DLG2: variants seen among roughly 807,000 people sequenced by gnomAD.
DLG2 encodes disks large homolog 2.
Under a neutral mutation model 132.5 loss-of-function variants are expected in DLG2, and 45 were observed. That is an observed-to-expected ratio of 0.34 (90% CI 0.27 to 0.44). DLG2 has a LOEUF of 0.44. Among genes scored for constraint, DLG2 ranks in the 20% least tolerant of loss-of-function variants. The pLI is 1.00. For missense variants in DLG2, 1,045 were observed against 1,196.9 expected, an observed-to-expected ratio of 0.87 and a Z score of 1.87; for synonymous variants, 424 against 419.6, an observed-to-expected ratio of 1.01 and a Z score of -0.13.
At chr11:84,565,536 C>G (rs1411387235) in intron 6 of DLG2, among the ~76,000 whole-genome samples, 1 of 152,024 alleles carries the variant, frequency 6.6e-6, no homozygotes, top group Non-Finnish European at 1.5e-5. Flanking sequence ...GTTTCCAACC[C>G]TTAGAAAAAC....
chr11:83,601,073 TAGAGTA>T (rs1565998468), intron 19 of DLG2, among the ~76,000 whole-genome samples: 1 of 152,236 alleles, frequency 6.6e-6, no homozygotes. Flanking sequence ...CATGCAATGA[TAGAGTA>T]AGATACAATC....
intron 21 of DLG2, among the ~76,000 whole-genome samples, chr11:83,499,731 TG>T (rs947241806): frequency 1.1e-4 from 16 of 149,006 alleles, no homozygotes; most frequent in Non-Finnish European, 1.9e-4. Context: ...GACTGCCTAT[TG>T]GGGTATCTTG....
intron 6 of DLG2, among the ~76,000 whole-genome samples, chr11:84,941,901 A>G (rs2049483849): frequency 6.6e-6 from 1 of 152,026 alleles, no homozygotes; most frequent in Non-Finnish European, 1.5e-5. Context: ...GAGATTTTTT[A>G]TTATGGCTAC....
intron 5 of DLG2, among the ~76,000 whole-genome samples, chr11:85,127,321 A>AC (rs539133097): frequency 1.5e-5 from 2 of 133,872 alleles, no homozygotes; most frequent in South Asian, 4.6e-4. Flanking sequence ...CATTCTCCCA[A>AC]CCCCATTGTG....
At chr11:84,630,915 T>G (rs1053513575) in intron 6 of DLG2, among the ~76,000 whole-genome samples, 1 of 151,414 alleles carries the variant, frequency 6.6e-6, no homozygotes, top group African/African-American at 2.4e-5. Context: ...TTTGTTTGGT[T>G]TGTCTGTTTC....
At position 84,638,131 on chromosome 11, in the gene DLG2, T is replaced by C. The variant is rs554395890; in HGVS notation, c.358-103400A>G. Among the ~76,000 whole-genome samples, 21 of 152,364 alleles carry C rather than the reference T, an allele frequency of 1.4e-4. No individual in the cohort carries two copies. In the South Asian group the frequency reaches 2.3e-3, roughly 17 times the overall value. On this transcript the variant is annotated intron_variant, in intron 6 of 27. Transcript: ENST00000376104. ...AATATTAGATGTGTTGTTCAATTCATTGTCTTGAAATCTTGCCAGATTGCA... is the reference window on the plus strand; with the variant it reads ...AATATTAGATGTGTTGTTCAATTCACTGTCTTGAAATCTTGCCAGATTGCA...
chr11:85,483,056 G>A (rs767819832), intron 3 of DLG2, among the ~76,000 whole-genome samples: 1 of 152,132 alleles, frequency 6.6e-6, no homozygotes, highest in Non-Finnish European at 1.5e-5. Flanking sequence ...TTCAAATTTG[G>A]AGAAAGATAT....
chr11:84,737,296 T>C (rs1450024577), intron 6 of DLG2, among the ~76,000 whole-genome samples: 1 of 152,042 alleles, frequency 6.6e-6, no homozygotes, highest in Non-Finnish European at 1.5e-5. Flanking sequence ...TGAGGGGTAT[T>C]AGTCTGTAAC....
intron 7 of DLG2, among the ~76,000 whole-genome samples, chr11:84,374,198 T>C (rs11234001): frequency 0.22 from 33,499 of 152,104 alleles, 5,149 homozygotes; most frequent in African/African-American, 0.44. Context: ...TCCACATGCC[T>C]GAAATCAAGC....
intron 4 of DLG2, among the ~76,000 whole-genome samples, chr11:85,183,989 G>T (rs476791): frequency 1.3e-5 from 2 of 151,900 alleles, no homozygotes; most frequent in South Asian, 2.1e-4. Context: ...TTTCCTTTCT[G>T]TTTTACATAT....
At chr11:84,367,187 A>C (rs2098687504) in intron 7 of DLG2, among the ~76,000 whole-genome samples, 1 of 152,184 alleles carries the variant, frequency 6.6e-6, no homozygotes, top group Admixed American at 6.5e-5. Context: ...ACTACATGGA[A>C]ACTAAACAAC....
intron 18 of DLG2, among the ~76,000 whole-genome samples, chr11:83,652,438 T>G (rs996378571): frequency 6.6e-6 from 1 of 152,194 alleles, no homozygotes; most frequent in African/African-American, 2.4e-5. Flanking sequence ...TGGTGCAATC[T>G]TGGCTCACTG....
chr11:85,141,482 G>A (rs2076474665), intron 5 of DLG2, among the ~76,000 whole-genome samples: 1 of 151,566 alleles, frequency 6.6e-6, no homozygotes, highest in Admixed American at 6.6e-5. Flanking sequence ...ATTATCACAT[G>A]AAAATATTTC....
At chr11:85,456,772 G>T (rs776958426) in intron 3 of DLG2, among the ~76,000 whole-genome samples, 1 of 152,000 alleles carries the variant, frequency 6.6e-6, no homozygotes, top group African/African-American at 2.4e-5. Flanking sequence ...GTAATTTTAC[G>T]GTTTTGAGCA....
chr11:83,512,048 C>T (rs1258396274), intron 21 of DLG2, among the ~76,000 whole-genome samples: 6 of 152,192 alleles, frequency 3.9e-5, no homozygotes, highest in African/African-American at 7.2e-5. Flanking sequence ...GAGGGCACCA[C>T]GGAGGGAGCC....
Position 85,264,688 on chromosome 11 carries a change from C to A in DLG2, c.186+20532G>T, listed in dbSNP as rs543868174. ...AGCACCGTATCCACATGGAACCTCC[C>A]AACCACCCCAGGAGTGTAGTCTTCT... On this transcript the variant is annotated intron_variant, in intron 4 of 27. Transcript: ENST00000376104. Among the ~76,000 whole-genome samples the A allele has an allele frequency of 1.4e-4, 22 of 152,230 alleles. No homozygotes were observed. In the South Asian group the frequency reaches 4.4e-3, roughly 30 times the overall value.
chr11:83,747,318 T>TCCTTCCTTCCTTCCTGCCTTCCTTCCTG (rs1566805023), intron 18 of DLG2, among the ~76,000 whole-genome samples: 23 of 122,798 alleles, frequency 1.9e-4, no homozygotes, highest in Non-Finnish European at 3.7e-4. Flanking sequence ...CTTCCTTCCT[T>TCCTTCCTTCCTTCCTGCCTTCCTTCCTG]CCTTCCTTCC....
chr11:84,692,759 A>T (rs879782540), intron 6 of DLG2, among the ~76,000 whole-genome samples: 10 of 151,722 alleles, frequency 6.6e-5, no homozygotes, highest in Non-Finnish European at 1.2e-4. Flanking sequence ...TGTTAGGTTT[A>T]AAATGGCTCA....
rs114248608 is a variant in DLG2, at chr11:84,847,687, T to A, written c.357+263974A>T. ...CAATAAAGCATGGCCTAAGGATAAA[T>A]ATTTGATTAAGTCTCAGAAAAATTT... On this transcript the variant is annotated intron_variant, in intron 6 of 27. Coordinates refer to ENST00000376104, the MANE Select transcript of DLG2 (RefSeq NM_001142699.3). Among the ~76,000 whole-genome samples the A allele has an allele frequency of 7.2e-3, 1,096 of 152,170 alleles. 14 individuals are homozygous for A. The highest frequency in any genetic ancestry group is 0.025 in the African/African-American group (1,031 of 41,508).
Sources: allele counts gnomAD v4.1 joint callset (sites outside exome capture counted in the v4.1 genomes callset), GRCh38; gene constraint gnomAD v4.1.1; transcripts MANE v1.5; gene names NCBI Gene and HGNC (gene_info 2026-07-23, HGNC 2026-07-21).